ARHGAP20: variants seen among roughly 807,000 people sequenced by gnomAD.
ARHGAP20 encodes the protein Rho GTPase activating protein 20.
A neutral mutation model predicts 73.7 loss-of-function variants in ARHGAP20; 34 were observed. The observed-to-expected ratio is 0.46, with a 90% CI of 0.35 to 0.61. The LOEUF (loss-of-function observed/expected upper bound fraction) is 0.61. Ranked by LOEUF, ARHGAP20 falls within the 20% of genes least tolerant of loss-of-function variation. The probability of loss-of-function intolerance (pLI) is 0.00; values close to 1 mark genes in which losing one functional copy is unlikely to be tolerated. For synonymous variants in ARHGAP20, 523 were observed against 518.2 expected, an observed-to-expected ratio of 1.01 and a Z score of -0.13; for missense variants, 1,314 against 1,420.9, an observed-to-expected ratio of 0.92 and a Z score of 1.21.
At chr11:110,598,185 T>TCC (rs377680161) in intron 9 of ARHGAP20, among the ~76,000 whole-genome samples, 15 of 151,292 alleles carry the variant, frequency 9.9e-5, no homozygotes, top group African/African-American at 3.6e-4. Flanking sequence ...TTTTTTTTTT[T>TCC]CCCCTAGAGT....
intron 2 of ARHGAP20, among the ~76,000 whole-genome samples, chr11:110,672,444 G>A (rs966676771): frequency 6.6e-6 from 1 of 151,824 alleles, no homozygotes; most frequent in Non-Finnish European, 1.5e-5. Flanking sequence ...AACCACAAAG[G>A]GATGGCACCA....
At chr11:110,677,805 C>T (rs577466655) in intron 2 of ARHGAP20, among the ~76,000 whole-genome samples, 1 of 152,120 alleles carries the variant, frequency 6.6e-6, no homozygotes, top group South Asian at 2.1e-4. Flanking sequence ...GGTGCCACTG[C>T]CTTGGAGAAT....
intron 1 of ARHGAP20, chr11:110,711,787 G>T (rs1840601908): frequency 7.4e-7 from 1 of 1,351,352 alleles, no homozygotes; most frequent in Non-Finnish European, 9.5e-7. Context: ...GAGGGGTCGG[G>T]GAAAGGCGAT....
intron 3 of ARHGAP20, among the ~76,000 whole-genome samples, chr11:110,626,661 T>C (rs572156830): frequency 8.5e-5 from 13 of 152,172 alleles, no homozygotes; most frequent in Admixed American, 6.5e-4. Flanking sequence ...GATATCACTA[T>C]TCCTATAAAG....
intron 1 of ARHGAP20, among the ~76,000 whole-genome samples, chr11:110,702,473 C>T (rs1032667731): frequency 4.6e-5 from 7 of 152,134 alleles, no homozygotes; most frequent in Admixed American, 2.0e-4. Context: ...TGAAAACTGG[C>T]ACAAGACAGG....
At chr11:110,693,859 A>T (rs1042556578) in intron 1 of ARHGAP20, among the ~76,000 whole-genome samples, 5 of 151,874 alleles carry the variant, frequency 3.3e-5, no homozygotes, top group Admixed American at 1.3e-4. Context: ...GTTCTGTGAC[A>T]GGGATAACTA....
intron 2 of ARHGAP20, among the ~76,000 whole-genome samples, chr11:110,651,178 T>G (rs1388659680): frequency 6.6e-6 from 1 of 152,172 alleles, no homozygotes; most frequent in East Asian, 1.9e-4. Flanking sequence ...AAGAAGTTAT[T>G]TGAAACTAAT....
chr11:110,597,255 G>A (rs982517137), intron 9 of ARHGAP20, among the ~76,000 whole-genome samples: 5 of 149,928 alleles, frequency 3.3e-5, no homozygotes, highest in South Asian at 2.1e-4. Flanking sequence ...AAGCCTGCAC[G>A]TTGTGCACAT....
At chr11:110,653,765 A>G (rs937349059) in intron 2 of ARHGAP20, among the ~76,000 whole-genome samples, 1 of 152,230 alleles carries the variant, frequency 6.6e-6, no homozygotes, top group African/African-American at 2.4e-5. Context: ...ATAAAGATAC[A>G]TGCACACATA....
At chr11:110,613,260 A>G (rs1948408969) in intron 6 of ARHGAP20, among the ~76,000 whole-genome samples, 1 of 152,230 alleles carries the variant, frequency 6.6e-6, no homozygotes, top group Admixed American at 6.5e-5. Context: ...ATTTTGTTCC[A>G]TATTAGCATA....
chr11:110,591,183 C>T (rs1411492632), intron 10 of ARHGAP20, among the ~76,000 whole-genome samples: 1 of 152,148 alleles, frequency 6.6e-6, no homozygotes, highest in East Asian at 1.9e-4. Flanking sequence ...ATCACTACGT[C>T]CTGCTTACAG....
rs563351427 is a variant in ARHGAP20 at position 110,579,445 on chromosome 11, C to T, written c.3501G>A (p.Glu1167=). 1 of 1,614,124 alleles carries T rather than the reference C, an allele frequency of 6.2e-7. No homozygotes were observed. The highest frequency in any genetic ancestry group is 2.2e-5 in the East Asian group (1 of 44,880). ...GCCCTGAGTCTGGGCTGGTCGCATC[C>T]TCTAGAGTCCAAGAGCTGGCTGAGG... ...ERASASSWTL[E]DATSPDSGPT... is the part of the protein sequence containing the mutation. Residue 1167 remains glutamate (E), a synonymous_variant, in exon 15 of 15, where the codon GAG becomes GAA. Transcript: ENST00000683387.
chr11:110,577,557 T>C lies in ARHGAP20; in HGVS notation c.*1813A>G. ...CACATCTTGCAGTTCTGACTGACAG[T>C]AGTATGCCCTAAGGGAAAGGGGAGT... On this transcript the variant is annotated 3_prime_UTR_variant, in exon 15 of 15. Coordinates refer to ENST00000683387, the MANE Select transcript of ARHGAP20 (RefSeq NM_001384657.1). 2.0e-6 allele frequency: 2 copies of C among 990,158 alleles called. No individual in the cohort carries two copies. Among genetic ancestry groups the C allele is most frequent in the Non-Finnish European group, 2.4e-6 (2 of 833,130 alleles). The allele number at this position is 990,158 out of a possible 1,614,324, so 61.3% of individuals were successfully genotyped here.
chr11:110,611,779 A>T (rs1466987615), intron 6 of ARHGAP20, among the ~76,000 whole-genome samples: 1 of 150,878 alleles, frequency 6.6e-6, no homozygotes, highest in Admixed American at 6.6e-5. Flanking sequence ...CAAGAGCTGA[A>T]TCTCTTTCTA....
At chr11:110,668,988 T>G (rs1269956683) in intron 2 of ARHGAP20, among the ~76,000 whole-genome samples, 1 of 152,084 alleles carries the variant, frequency 6.6e-6, no homozygotes, top group Non-Finnish European at 1.5e-5. Context: ...TGGATCATAG[T>G]TTTAAATGTA....
chr11:110,651,400 C>T (rs11213513), intron 2 of ARHGAP20, among the ~76,000 whole-genome samples: 1 of 151,588 alleles, frequency 6.6e-6, no homozygotes, highest in Non-Finnish European at 1.5e-5. Context: ...AAGGTAGAGA[C>T]ATGAAAAACC....
intron 2 of ARHGAP20, among the ~76,000 whole-genome samples, chr11:110,636,227 T>C (rs1028854045): frequency 3.3e-5 from 5 of 152,098 alleles, no homozygotes; most frequent in Non-Finnish European, 5.9e-5. Context: ...GTCAATCATA[T>C]ACATAAATGA....
In ARHGAP20 at chr11:110,659,446, G is replaced by A. The variant is rs865895752; in HGVS notation, c.189-28654C>T. Among the ~76,000 whole-genome samples, 166 of 151,526 alleles carry A rather than the reference G, an allele frequency of 1.1e-3. 1 individual carries two copies. Among genetic ancestry groups the A allele is most frequent in the African/African-American group, 3.9e-3 (159 of 41,294 alleles). On this transcript the variant is annotated intron_variant, in intron 2 of 14. Transcript: ENST00000683387. ...TGTAAATTTGTTTGAGTTCATTGTA[G>A]ATTCTGGATATTAGCCCTTTGTCAG... is the stretch of plus-strand genomic sequence containing the variant.
At chr11:110,682,841 G>C (rs1220528477) in intron 2 of ARHGAP20, among the ~76,000 whole-genome samples, 1 of 152,048 alleles carries the variant, frequency 6.6e-6, no homozygotes, top group African/African-American at 2.4e-5. Context: ...ATATTTTACA[G>C]AGGAAAACAT....
Sources: gnomAD v4.1 joint callset for allele counts (sites outside exome capture counted in the v4.1 genomes callset) on GRCh38, gnomAD v4.1.1 for gene constraint, MANE v1.5 for transcripts, NCBI Gene and HGNC (gene_info 2026-07-23, HGNC 2026-07-21) for gene names.